Variants in ADARB2 observed in about 807,000 individuals in gnomAD.
ADARB2 encodes inactive double-stranded RNA-specific editase B2.
ADARB2 carries 25 observed loss-of-function variants against 62.2 expected under a neutral mutation model. The ratio of observed to expected loss-of-function variants is 0.40; its 90% CI spans 0.29 to 0.56. The LOEUF is 0.56. ADARB2 is among the 20% of genes least tolerant of loss of function. ADARB2 has a pLI of 0.43. For synonymous variants in ADARB2, 572 were observed against 500.8 expected, an observed-to-expected ratio of 1.14 and a Z score of -1.90; for missense variants, 1,071 against 1,077.4, an observed-to-expected ratio of 0.99 and a Z score of 0.08.
At chr10:1,374,186 C>A (rs1832401871) in intron 2 of ADARB2, among the ~76,000 whole-genome samples, 1 of 152,292 alleles carries the variant, frequency 6.6e-6, no homozygotes, top group East Asian at 1.9e-4. Context: ...GAGAGCTGCA[C>A]GTATCCTTCC....
At chr10:1,425,407 A>T (rs1026276256) in intron 1 of ADARB2, among the ~76,000 whole-genome samples, 2 of 152,210 alleles carry the variant, frequency 1.3e-5, no homozygotes, top group African/African-American at 4.8e-5. Flanking sequence ...AGAACACAAT[A>T]GATGCTCAAC....
chr10:1,391,730 A>G (rs1442029242), intron 1 of ADARB2, among the ~76,000 whole-genome samples: 1 of 151,784 alleles, frequency 6.6e-6, no homozygotes. Flanking sequence ...TAAAAATGAT[A>G]ATAAAATGAT....
At chr10:1,645,800 A>G (rs995310751) in intron 1 of ADARB2, among the ~76,000 whole-genome samples, 10 of 152,130 alleles carry the variant, frequency 6.6e-5, no homozygotes, top group Non-Finnish European at 1.3e-4. Flanking sequence ...TTTAACGCCT[A>G]TACTCCAATG....
chr10:1,307,721 A>T (rs61832051), intron 3 of ADARB2, among the ~76,000 whole-genome samples: 18 of 91,196 alleles, frequency 2.0e-4, no homozygotes, highest in Non-Finnish European at 2.3e-4. Context: ...AAAATGTGGC[A>T]CATATATACC....
intron 1 of ADARB2, among the ~76,000 whole-genome samples, chr10:1,383,304 C>G (rs192977169): frequency 6.6e-6 from 1 of 152,236 alleles, no homozygotes; most frequent in African/African-American, 2.4e-5. Context: ...GAAAGAGATA[C>G]TCACTGGAAT....
At chr10:1,717,528 C>T (rs937071419) in intron 1 of ADARB2, among the ~76,000 whole-genome samples, 5 of 121,556 alleles carry the variant, frequency 4.1e-5, no homozygotes, top group East Asian at 2.0e-4. Context: ...TCTTTCCTTT[C>T]TTTCCTTCCT....
At position 1,532,577 on chromosome 10, in the gene ADARB2, G is replaced by A. The variant is rs540403420; in HGVS notation, c.101-153417C>T. On this transcript the variant is annotated intron_variant, in intron 1 of 9. Coordinates refer to ENST00000381312, the MANE Select transcript of ADARB2 (RefSeq NM_018702.4). ...GTGGAGTTGGGAAGTGGCTCTCAGG[G>A]GTCAGGCATTGGGTGCTGCCCCAGT... 1.1e-4 allele frequency among the ~76,000 whole-genome samples: 17 copies of A among 152,268 alleles called. No individual in the cohort carries two copies. In the South Asian group the frequency reaches 1.2e-3, roughly 11 times the overall value.
chr10:1,460,315 C>A (rs544275436), intron 1 of ADARB2, among the ~76,000 whole-genome samples: 3 of 4,432 alleles, frequency 6.8e-4, no homozygotes, highest in East Asian at 8.3e-3. Context: ...AGTTTACCTG[C>A]ATAACAAACC....
intron 1 of ADARB2, among the ~76,000 whole-genome samples, chr10:1,721,868 C>T (rs903551888): frequency 6.6e-6 from 1 of 152,130 alleles, no homozygotes; most frequent in Non-Finnish European, 1.5e-5. Context: ...TCGTCTCCAT[C>T]TGCCCCCTTG....
At chr10:1,421,197 A>C (rs1832850077) in intron 1 of ADARB2, among the ~76,000 whole-genome samples, 1 of 151,848 alleles carries the variant, frequency 6.6e-6, no homozygotes, top group South Asian at 2.1e-4. Flanking sequence ...GGCCCTCTGC[A>C]CTGGAGCGTT....
chr10:1,400,917 G>A (rs1292433885), intron 1 of ADARB2, among the ~76,000 whole-genome samples: 1 of 152,196 alleles, frequency 6.6e-6, no homozygotes. Flanking sequence ...AGCGACGGCT[G>A]AGTCAGGGAG....
intron 1 of ADARB2, among the ~76,000 whole-genome samples, chr10:1,628,964 G>GGGCTGGACAGCT (rs1833807516): frequency 6.6e-6 from 1 of 152,160 alleles, no homozygotes; most frequent in Non-Finnish European, 1.5e-5. Context: ...GCTCCTGCGA[G>GGGCTGGACAGCT]GGCTGGACAG....
chr10:1,656,021 A>G (rs976170827), intron 1 of ADARB2, among the ~76,000 whole-genome samples: 2 of 152,222 alleles, frequency 1.3e-5, no homozygotes, highest in Non-Finnish European at 2.9e-5. Context: ...TCCAGACAAA[A>G]CAGTGTTCAC....
chr10:1,241,988 G>C (rs1412470921), intron 5 of ADARB2, 143 bp downstream of exon 5: 7 of 916,080 alleles, frequency 7.6e-6, no homozygotes, highest in Non-Finnish European at 1.1e-5. Flanking sequence ...TCTCTAGTCT[G>C]AATAAAAAGG....
At chr10:1,203,476 C>A (rs960378369) in intron 7 of ADARB2, among the ~76,000 whole-genome samples, 3 of 152,238 alleles carry the variant, frequency 2.0e-5, no homozygotes, top group Non-Finnish European at 2.9e-5. Flanking sequence ...AAGTAACTCT[C>A]TAAAGTTACA....
chr10:1,594,640 C>T (rs543331112), intron 1 of ADARB2, among the ~76,000 whole-genome samples: 61 of 152,276 alleles, frequency 4.0e-4, no homozygotes, highest in African/African-American at 1.3e-3. Context: ...CTGAGAGAAA[C>T]GCCCACTCCT....
At chr10:1,245,528 C>T (rs1314406191) in intron 4 of ADARB2, among the ~76,000 whole-genome samples, 1 of 148,680 alleles carries the variant, frequency 6.7e-6, no homozygotes, top group Non-Finnish European at 1.5e-5. Flanking sequence ...TGATGTTCCC[C>T]TTCCTGTGTG....
chr10:1,728,064 GC>G (rs1233014784), intron 1 of ADARB2, among the ~76,000 whole-genome samples: 1 of 152,176 alleles, frequency 6.6e-6, no homozygotes, highest in Non-Finnish European at 1.5e-5. Flanking sequence ...CTTTAATCAG[GC>G]ACAGGAAGAG....
At chr10:1,205,831 C>T (rs1369108044) in intron 7 of ADARB2, among the ~76,000 whole-genome samples, 2 of 152,230 alleles carry the variant, frequency 1.3e-5, no homozygotes, top group East Asian at 1.9e-4. Context: ...TGACTGCTGA[C>T]GTTTGGGACG....
Sources: allele counts gnomAD v4.1 joint callset (sites outside exome capture counted in the v4.1 genomes callset), GRCh38; gene constraint gnomAD v4.1.1; transcripts MANE v1.5; gene names NCBI Gene and HGNC (gene_info 2026-07-23, HGNC 2026-07-21).